The following CCDC150 variants were observed in gnomAD, a reference collection of about 807,000 sequenced individuals.
CCDC150 encodes the protein coiled-coil domain-containing protein 150.
In CCDC150, 151 loss-of-function variants were observed where a neutral mutation model predicts 156.5. The observed-to-expected ratio is 0.97, with a 90% CI of 0.85 to 1.10. The LOEUF (loss-of-function observed/expected upper bound fraction) is 1.10. Ranked by LOEUF, CCDC150 falls within the 50% of genes least tolerant of loss-of-function variation. The pLI is 0.00. For missense variants in CCDC150, 1,312 were observed against 1,268.1 expected (o/e 1.03, Z -0.53); for synonymous variants, 452 against 429.4 (o/e 1.05, Z -0.65).
chr2:196,700,599 A>G (rs1280440738), intron 14 of CCDC150, among the ~76,000 whole-genome samples: 2 of 152,234 alleles, frequency 1.3e-5, no homozygotes, highest in Non-Finnish European at 2.9e-5. Context: ...TTTGCCCCAG[A>G]TAATACTGTG....
intron 13 of CCDC150, among the ~76,000 whole-genome samples, chr2:196,682,345 G>A (rs147748048): frequency 6.6e-6 from 1 of 151,818 alleles, no homozygotes; most frequent in Non-Finnish European, 1.5e-5. Flanking sequence ...ATACCACACA[G>A]TCTTGATTAC....
chr2:196,645,994 C>G (rs1692509831), intron 1 of CCDC150, among the ~76,000 whole-genome samples: 1 of 152,206 alleles, frequency 6.6e-6, no homozygotes, highest in Non-Finnish European at 1.5e-5. Flanking sequence ...ACTCAACAAT[C>G]TTAATGGCTT....
intron 13 of CCDC150, among the ~76,000 whole-genome samples, chr2:196,679,305 C>A (rs1694682256): frequency 6.6e-6 from 1 of 152,026 alleles, no homozygotes; most frequent in Non-Finnish European, 1.5e-5. Flanking sequence ...CCCTTGTGCC[C>A]TTTTGTAATC....
intron 17 of CCDC150, among the ~76,000 whole-genome samples, chr2:196,716,714 G>C (rs10190810): frequency 0.91 from 138,259 of 152,180 alleles, 62,828 homozygotes; most frequent in East Asian, 0.98. Flanking sequence ...ATACGTATGT[G>C]AAAACTTATC....
In CCDC150 at chr2:196,656,679, A is replaced by G. The variant is rs773742697; in HGVS notation, c.223A>G (p.Lys75Glu). ...CTGTTTAGAAGACCTGGACAGCCAGAAAGTCATTAGTCCTATCCAAAATGA... is the reference window on the plus strand; with the variant it reads ...CTGTTTAGAAGACCTGGACAGCCAGGAAGTCATTAGTCCTATCCAAAATGA... ...PDCLEDLDSQ[K>E]VISPIQNEAI... The change falls in exon 3 of 28, where the codon AAA becomes GAA. Residue 75 changes from lysine to glutamate, a missense_variant. Physicochemically the swap from Lys to Glu is moderately conservative, Grantham distance 56 (BLOSUM62 1). Transcript: ENST00000389175. 1.2e-6 allele frequency: 2 copies of G among 1,613,338 alleles called. No homozygotes were observed. Among genetic ancestry groups the G allele is most frequent in the African/African-American group, 1.3e-5 (1 of 74,918 alleles).
At chr2:196,642,735 T>C (rs1302718462) in intron 1 of CCDC150, among the ~76,000 whole-genome samples, 1 of 152,034 alleles carries the variant, frequency 6.6e-6, no homozygotes, top group Non-Finnish European at 1.5e-5. Flanking sequence ...CTGAGACTTG[T>C]TTTCATTTTT....
intron 20 of CCDC150, 49 bp from the exon 21 acceptor site, chr2:196,721,473 T>C: frequency 6.9e-7 from 1 of 1,451,938 alleles, no homozygotes; most frequent in Non-Finnish European, 9.3e-7. Flanking sequence ...TATGGACTTC[T>C]TGCATCTGTC....
At chr2:196,702,386 T>G (rs1696283917) in intron 15 of CCDC150, among the ~76,000 whole-genome samples, 1 of 124,858 alleles carries the variant, frequency 8.0e-6, no homozygotes, top group African/African-American at 2.7e-5. Context: ...TGAGATGAGG[T>G]CTCACTCTCT....
At chr2:196,687,993 T>G (rs960308353) in intron 13 of CCDC150, among the ~76,000 whole-genome samples, 4 of 152,238 alleles carry the variant, frequency 2.6e-5, no homozygotes, top group Non-Finnish European at 5.9e-5. Context: ...GCATGCTGTT[T>G]TGGTTACTGT....
chr2:196,650,559 A>C (rs557198004), intron 2 of CCDC150, among the ~76,000 whole-genome samples: 2 of 152,108 alleles, frequency 1.3e-5, no homozygotes, highest in South Asian at 4.2e-4. Flanking sequence ...ACGCCTGGCT[A>C]ATTTTTGTAT....
chr2:196,719,432 G>C, intron 18 of CCDC150, 65 bp from the exon 19 acceptor site: 1 of 1,361,510 alleles, frequency 7.3e-7, no homozygotes, highest in Non-Finnish European at 9.9e-7. Flanking sequence ...GGAGTAATGA[G>C]ATCCACAAGC....
At chr2:196,731,037 C>T (rs933669841) in intron 26 of CCDC150, 92 bp downstream of exon 26, 2 of 906,612 alleles carry the variant, frequency 2.2e-6, no homozygotes, top group African/African-American at 1.7e-5. Flanking sequence ...CCTTCATTAA[C>T]GTAGTTGTCA....
At chr2:196,706,536 C>A (rs1236889595) in intron 15 of CCDC150, among the ~76,000 whole-genome samples, 1 of 152,220 alleles carries the variant, frequency 6.6e-6, no homozygotes, top group African/African-American at 2.4e-5. Flanking sequence ...CTGGCTAGAA[C>A]TTACAATACT....
chr2:196,711,701 G>T (rs964310504), intron 15 of CCDC150, among the ~76,000 whole-genome samples: 3 of 152,084 alleles, frequency 2.0e-5, no homozygotes, highest in Admixed American at 2.0e-4. Flanking sequence ...ACAAGACTCT[G>T]CCTGTTCTCC....
At chr2:196,719,903 T>C (rs957770305) in intron 19 of CCDC150, 6 of 343,568 alleles carry the variant, frequency 1.7e-5, no homozygotes, top group Non-Finnish European at 3.2e-5. Context: ...AGACTATATA[T>C]CCTAGAAATT....
At chr2:196,693,535 A>G (rs982926659) in intron 13 of CCDC150, among the ~76,000 whole-genome samples, 9 of 152,310 alleles carry the variant, frequency 5.9e-5, no homozygotes, top group African/African-American at 2.2e-4. Context: ...TTACTCTAGC[A>G]TCTTTTTTGG....
At chr2:196,710,298 C>T (rs954697177) in intron 15 of CCDC150, among the ~76,000 whole-genome samples, 5 of 152,372 alleles carry the variant, frequency 3.3e-5, no homozygotes, top group Non-Finnish European at 7.3e-5. Context: ...GCATAGGACC[C>T]GCCAAGCCAG....
At chr2:196,679,161 G>A (rs1272100342) in intron 13 of CCDC150, among the ~76,000 whole-genome samples, 1 of 152,050 alleles carries the variant, frequency 6.6e-6, no homozygotes, top group Non-Finnish European at 1.5e-5. Flanking sequence ...TAAAAAGTCA[G>A]GTTAATTGTT....
intron 13 of CCDC150, among the ~76,000 whole-genome samples, chr2:196,693,445 G>A (rs373349120): frequency 7.9e-5 from 12 of 152,106 alleles, no homozygotes; most frequent in South Asian, 6.2e-4. Context: ...TTAATGAAAC[G>A]TGAATTTCCA....
Sources: allele counts gnomAD v4.1 joint callset (sites outside exome capture counted in the v4.1 genomes callset), GRCh38; gene constraint gnomAD v4.1.1; transcripts MANE v1.5; gene names NCBI Gene and HGNC (gene_info 2026-07-23, HGNC 2026-07-21).